The following TCF12 variants were observed in gnomAD, a reference collection of about 807,000 sequenced individuals.
TCF12 encodes the protein DNA-binding protein HTF4.
TCF12 carries 45 observed loss-of-function variants against 86.0 expected under a neutral mutation model. The observed-to-expected ratio is 0.52, with a 90% CI of 0.41 to 0.67. TCF12 has a LOEUF of 0.67. TCF12 is among the 30% of genes least tolerant of loss of function. The pLI, the probability that TCF12 is intolerant of heterozygous loss-of-function variation, is 0.00. For missense variants in TCF12, 881 were observed against 859.9 expected (o/e 1.02, Z -0.31); for synonymous variants, 330 against 299.6 (o/e 1.10, Z -1.05).
chr15:57,071,750 G>A, intron 4 of TCF12, among the ~76,000 whole-genome samples: 1 of 152,196 alleles, frequency 6.6e-6, no homozygotes, highest in African/African-American at 2.4e-5. Flanking sequence ...GCTACTGTGA[G>A]ATTCCAGAGG....
At chr15:56,941,730 G>A (rs1240886070) in intron 3 of TCF12, among the ~76,000 whole-genome samples, 1 of 151,240 alleles carries the variant, frequency 6.6e-6, no homozygotes, top group Non-Finnish European at 1.5e-5. Context: ...CTCTGATATG[G>A]AGAGACCTGT....
intron 3 of TCF12, among the ~76,000 whole-genome samples, chr15:57,056,116 G>GGTGTGTGTGTGTGTGTGTGT (rs137934114): frequency 4.9e-5 from 7 of 143,238 alleles, no homozygotes; most frequent in African/African-American, 1.9e-4. Flanking sequence ...TAGTTTTAGG[G>GGTGTGTGTGTGTGTGTGTGT]GTGTGTGTGT....
intron 8 of TCF12, among the ~76,000 whole-genome samples, chr15:57,210,240 A>G (rs1357162569): frequency 2.0e-5 from 3 of 151,810 alleles, no homozygotes; most frequent in African/African-American, 7.3e-5. Context: ...AACAAAGGCA[A>G]ATGATTAGCA....
At chr15:57,168,604 T>C (rs1348879035) in intron 6 of TCF12, among the ~76,000 whole-genome samples, 1 of 152,228 alleles carries the variant, frequency 6.6e-6, no homozygotes, top group African/African-American at 2.4e-5. Flanking sequence ...TTGAATTTCA[T>C]AGTCTGAATT....
intron 18 of TCF12, among the ~76,000 whole-genome samples, chr15:57,269,801 T>C (rs1939313298): frequency 6.6e-6 from 1 of 152,190 alleles, no homozygotes; most frequent in African/African-American, 2.4e-5. Context: ...ATTTTATTTC[T>C]CCTTCATTTA....
chr15:57,023,699 A>G (rs1034704494), intron 3 of TCF12, among the ~76,000 whole-genome samples: 1 of 152,196 alleles, frequency 6.6e-6, no homozygotes, highest in South Asian at 2.1e-4. Context: ...TAAGAAAACA[A>G]TAAATTGGAG....
At chr15:57,044,068 T>C (rs969144298) in intron 3 of TCF12, among the ~76,000 whole-genome samples, 3 of 152,068 alleles carry the variant, frequency 2.0e-5, no homozygotes, top group Non-Finnish European at 4.4e-5. Context: ...CACTTTCAAA[T>C]TGGAAACAAG....
intron 8 of TCF12, among the ~76,000 whole-genome samples, chr15:57,227,865 C>G (rs1488594273): frequency 6.6e-6 from 1 of 152,034 alleles, no homozygotes; most frequent in African/African-American, 2.4e-5. Flanking sequence ...TAATTTTACC[C>G]TTTTTCTATT....
chr15:57,027,308 A>G (rs1413299195), intron 3 of TCF12, among the ~76,000 whole-genome samples: 1 of 152,232 alleles, frequency 6.6e-6, no homozygotes. Context: ...AAATAACTAC[A>G]TAATAATGAA....
intron 3 of TCF12, 103 bp from the exon 4 acceptor site, chr15:57,063,646 GA>G (rs1271369199): frequency 3.7e-6 from 3 of 812,848 alleles, no homozygotes; most frequent in Non-Finnish European, 5.7e-6. Flanking sequence ...GCTCTTCCAC[GA>G]AAGCGCAAAT....
intron 5 of TCF12, among the ~76,000 whole-genome samples, chr15:57,153,734 AAGC>A (rs2053922188): frequency 6.6e-6 from 1 of 152,146 alleles, no homozygotes; most frequent in Non-Finnish European, 1.5e-5. Context: ...CTCAATCTAA[AAGC>A]AGGCTGAGAG....
chr15:57,228,814 A>C (rs2059003129), intron 8 of TCF12, among the ~76,000 whole-genome samples: 1 of 152,042 alleles, frequency 6.6e-6, no homozygotes, highest in Non-Finnish European at 1.5e-5. Context: ...TAAATTGATA[A>C]ATTATGTAAA....
chr15:56,943,224 T>C (rs1168151035), intron 3 of TCF12, among the ~76,000 whole-genome samples: 2 of 152,202 alleles, frequency 1.3e-5, no homozygotes, highest in African/African-American at 2.4e-5. Context: ...GGGATCACTA[T>C]GTGAAGGACA....
chr15:56,979,469 A>G (rs758065518), intron 3 of TCF12, among the ~76,000 whole-genome samples: 2 of 152,208 alleles, frequency 1.3e-5, no homozygotes, highest in African/African-American at 2.4e-5. Context: ...GAGATGGGCA[A>G]TGATAGTAGA....
rs12442879 is a variant in TCF12, at chr15:57,232,784, G to T, written c.898G>T (p.Gly300Cys). ...SLPPMSSFHR[G>C]STSSSPYVAA... ...TCCACCAATGTCCAGCTTTCATCGC[G>T]GCAGTACCAGCAGTTCACCTTACGT... Residue 300 changes from glycine (G) to cysteine (C), a missense_variant, in exon 11 of 21, where the codon GGC becomes TGC. By Grantham distance (159) the Gly-to-Cys change is radical (BLOSUM62 -3). Transcript: ENST00000333725. 1 of 1,612,144 alleles carries T rather than the reference G, an allele frequency of 6.2e-7. No homozygotes were observed. The highest frequency in any genetic ancestry group is 1.3e-5 in the African/African-American group (1 of 74,628).
chr15:57,087,877 C>G (rs1397870938), intron 4 of TCF12, among the ~76,000 whole-genome samples: 8 of 152,040 alleles, frequency 5.3e-5, no homozygotes, highest in Non-Finnish European at 7.4e-5. Flanking sequence ...ATTGCTCTGT[C>G]CTTCATAATG....
At chr15:57,038,344 C>T (rs1452367091) in intron 3 of TCF12, among the ~76,000 whole-genome samples, 5 of 151,736 alleles carry the variant, frequency 3.3e-5, no homozygotes, top group Non-Finnish European at 7.4e-5. Context: ...AGGGGGATTG[C>T]TTGAGCCCAG....
At chr15:57,272,624 G>A (rs563799463) in intron 18 of TCF12, among the ~76,000 whole-genome samples, 5 of 152,350 alleles carry the variant, frequency 3.3e-5, no homozygotes, top group African/African-American at 1.2e-4. Context: ...AATTCAGTAA[G>A]ATGGGAGCAG....
At chr15:56,931,077 A>AT (rs2060225946) in intron 3 of TCF12, among the ~76,000 whole-genome samples, 1 of 150,342 alleles carries the variant, frequency 6.7e-6, no homozygotes, top group Non-Finnish European at 1.5e-5. Flanking sequence ...TCGTTCCTTC[A>AT]CCCCCCACCC....
Sources: allele counts gnomAD v4.1 joint callset (sites outside exome capture counted in the v4.1 genomes callset), GRCh38; gene constraint gnomAD v4.1.1; transcripts MANE v1.5; gene names NCBI Gene and HGNC (gene_info 2026-07-23, HGNC 2026-07-21).